NAV3: variants seen among roughly 807,000 people sequenced by gnomAD.
NAV3 encodes the protein pore membrane and/or filament interacting like protein 1.
NAV3 carries 87 observed loss-of-function variants against 244.7 expected under a neutral mutation model. The observed-to-expected ratio is 0.36, with a 90% CI of 0.30 to 0.42. The LOEUF (loss-of-function observed/expected upper bound fraction) is 0.42. NAV3 is among the 20% of genes least tolerant of loss of function. The pLI is 1.00. For missense variants in NAV3, 2,663 were observed against 2,893.3 expected, an observed-to-expected ratio of 0.92 and a Z score of 1.83; for synonymous variants, 1,126 against 1,042.2, an observed-to-expected ratio of 1.08 and a Z score of -1.55.
chr12:77,618,073 G>A (rs1303991762), intron 2 of NAV3, among the ~76,000 whole-genome samples: 1 of 152,124 alleles, frequency 6.6e-6, no homozygotes, highest in Non-Finnish European at 1.5e-5. Context: ...CTGATTAGTA[G>A]TATAGAATTT....
At chr12:78,065,586 C>T (rs1484960407) in intron 12 of NAV3, among the ~76,000 whole-genome samples, 2 of 152,116 alleles carry the variant, frequency 1.3e-5, no homozygotes, top group African/African-American at 4.8e-5. Flanking sequence ...AGGAAATATG[C>T]AATACTATAC....
intron 1 of NAV3, among the ~76,000 whole-genome samples, chr12:77,871,924 T>C (rs570673758): frequency 6.6e-6 from 1 of 152,304 alleles, no homozygotes; most frequent in South Asian, 2.1e-4. Flanking sequence ...AGCATTCTTA[T>C]TTCTCCACAT....
chr12:77,649,264 A>G (rs892780573), intron 2 of NAV3, among the ~76,000 whole-genome samples: 1 of 152,102 alleles, frequency 6.6e-6, no homozygotes, highest in Non-Finnish European at 1.5e-5. Context: ...TGAGTATTAC[A>G]TAGGTGGTCA....
At chr12:78,027,287 C>A (rs2136908362) in intron 9 of NAV3, among the ~76,000 whole-genome samples, 1 of 151,570 alleles carries the variant, frequency 6.6e-6, no homozygotes. Context: ...AAAAAAAATT[C>A]AAATTGTTCA....
intron 12 of NAV3, among the ~76,000 whole-genome samples, chr12:78,077,619 A>G (rs542354123): frequency 6.6e-6 from 1 of 152,342 alleles, no homozygotes; most frequent in Non-Finnish European, 1.5e-5. Flanking sequence ...ATAACAAAGT[A>G]CTACAGATTG....
chr12:77,667,841 C>T (rs696469), intron 2 of NAV3, among the ~76,000 whole-genome samples: 2 of 152,074 alleles, frequency 1.3e-5, no homozygotes, highest in African/African-American at 4.8e-5. Context: ...GGAGGCCAAC[C>T]AACACAAAAC....
chr12:77,580,219 AACACACACACACACACAC>A (rs59671759), intron 2 of NAV3, among the ~76,000 whole-genome samples: 110 of 145,406 alleles, frequency 7.6e-4, no homozygotes, highest in South Asian at 7.5e-3. Flanking sequence ...GTAGGGTGGG[AACACACACACACACACAC>A]ACACACACAC....
Position 78,181,058 on chromosome 12 carries a change from A to G in NAV3, c.5692+13A>G. On this transcript the variant is annotated intron_variant, in intron 30 of 39. Transcript: ENST00000397909. Reference sequence around the variant, plus strand: ...GCTGTTAGCTCAGGTGATTTAGTGCACATGCTTGCCTGAATCACAGCATAC... The same window carrying G: ...GCTGTTAGCTCAGGTGATTTAGTGCGCATGCTTGCCTGAATCACAGCATAC... The G allele has an allele frequency of 4.3e-6, 7 of 1,612,114 alleles. No homozygotes were observed. The highest frequency in any genetic ancestry group is 5.9e-6 in the Non-Finnish European group (7 of 1,178,752).
chr12:77,945,961 G>A (rs1490687782), intron 3 of NAV3, among the ~76,000 whole-genome samples: 1 of 151,150 alleles, frequency 6.6e-6, no homozygotes, highest in African/African-American at 2.4e-5. Flanking sequence ...GTTTTGCCAT[G>A]TTGGCCAGGC....
intron 1 of NAV3, among the ~76,000 whole-genome samples, chr12:77,896,277 T>C (rs540580218): frequency 6.6e-6 from 1 of 152,304 alleles, no homozygotes; most frequent in African/African-American, 2.4e-5. Context: ...ACCAGTTTCA[T>C]AGTGAAAATA....
At chr12:77,705,238 G>GCATATTTCACCTGCTTGGGCTGTTTTC (rs1555196505) in intron 2 of NAV3, among the ~76,000 whole-genome samples, 17 of 151,708 alleles carry the variant, frequency 1.1e-4, no homozygotes, top group South Asian at 4.2e-4. Context: ...GGCCAACATA[G>GCATATTTCACCTGCTTGGGCTGTTTTC]CGAAACCCTG....
At chr12:77,573,852 T>C in intron 2 of NAV3, among the ~76,000 whole-genome samples, 1 of 152,194 alleles carries the variant, frequency 6.6e-6, no homozygotes, top group East Asian at 1.9e-4. Context: ...TTTCATTCCC[T>C]GGCTAAGGGA....
intron 2 of NAV3, among the ~76,000 whole-genome samples, chr12:77,796,819 T>C (rs1292486602): frequency 2.0e-5 from 3 of 151,038 alleles, no homozygotes; most frequent in African/African-American, 4.9e-5. Context: ...GTTAAGACTT[T>C]TAGCAATAAA....
intron 20 of NAV3, among the ~76,000 whole-genome samples, chr12:78,142,192 CAT>C (rs1956644630): frequency 6.6e-6 from 1 of 151,998 alleles, no homozygotes; most frequent in Non-Finnish European, 1.5e-5. Context: ...CGTTACACAG[CAT>C]ATGTTTGTAT....
rs146653661 is a variant in NAV3, at chr12:78,125,393, C to G, written c.4239-1774C>G. ...TTAAATTAAATAAAATAATAAAATA[C>G]ACTTTTTAACAGTTTTCTCTTCTGC... On this transcript the variant is annotated intron_variant, in intron 16 of 39. Coordinates refer to ENST00000397909, the MANE Select transcript of NAV3 (RefSeq NM_001024383.2). Among the ~76,000 whole-genome samples the G allele has an allele frequency of 2.1e-3, 314 of 152,150 alleles. 2 individuals carry two copies. Among genetic ancestry groups the G allele is most frequent in the African/African-American group, 7.1e-3 (295 of 41,492 alleles).
At chr12:77,971,441 TATG>T (rs1340197256) in intron 5 of NAV3, among the ~76,000 whole-genome samples, 1 of 152,096 alleles carries the variant, frequency 6.6e-6, no homozygotes, top group East Asian at 1.9e-4. Context: ...GTTTAAAGGA[TATG>T]ATATTTAAGA....
intron 3 of NAV3, among the ~76,000 whole-genome samples, chr12:77,965,543 C>T (rs542372734): frequency 6.6e-6 from 1 of 152,166 alleles, no homozygotes; most frequent in Admixed American, 6.5e-5. Context: ...CGCTTGAACC[C>T]GAGAGAGGGA....
At chr12:77,771,033 C>T (rs1870052062) in intron 2 of NAV3, among the ~76,000 whole-genome samples, 2 of 152,098 alleles carry the variant, frequency 1.3e-5, no homozygotes, top group Admixed American at 6.6e-5. Context: ...GGGCTAATAT[C>T]CAGAATCTAC....
intron 8 of NAV3, among the ~76,000 whole-genome samples, chr12:78,015,664 A>C (rs950883144): frequency 6.6e-6 from 1 of 152,074 alleles, no homozygotes; most frequent in African/African-American, 2.4e-5. Flanking sequence ...ATTTGTCTCC[A>C]GTTGTATGTA....
Sources: gnomAD v4.1 joint callset for allele counts (sites outside exome capture counted in the v4.1 genomes callset) on GRCh38, gnomAD v4.1.1 for gene constraint, MANE v1.5 for transcripts, NCBI Gene and HGNC (gene_info 2026-07-23, HGNC 2026-07-21) for gene names.